Variants in SERPINI1 observed in about 807,000 individuals in gnomAD.
SERPINI1 encodes the protein serpin family I member 1, also known as neuroserpin.
In SERPINI1, 19 loss-of-function variants were observed where a neutral mutation model predicts 41.1. The observed-to-expected ratio is 0.46, with a 90% CI of 0.32 to 0.68. The LOEUF is 0.68. Ranked by LOEUF, SERPINI1 falls within the 30% of genes least tolerant of loss-of-function variation. The pLI, the probability that SERPINI1 is intolerant of heterozygous loss-of-function variation, is 0.03. For synonymous variants in SERPINI1, 138 were observed against 156.6 expected (o/e 0.88, Z 0.89); for missense variants, 460 against 479.2 (o/e 0.96, Z 0.37).
intron 1 of SERPINI1, among the ~76,000 whole-genome samples, chr3:167,739,261 C>G (rs1326615134): frequency 1.3e-5 from 2 of 152,018 alleles, no homozygotes; most frequent in Non-Finnish European, 1.5e-5. Context: ...ATGTCATATT[C>G]AGCATAAAGA....
chr3:167,788,433 A>G (rs1271610063), intron 1 of SERPINI1, among the ~76,000 whole-genome samples: 3 of 152,214 alleles, frequency 2.0e-5, no homozygotes, highest in Non-Finnish European at 4.4e-5. Flanking sequence ...ACTGTGTCGT[A>G]GCAAGAATTC....
At chr3:167,736,242 C>T (rs546535891) in intron 1 of SERPINI1, 1 of 152,252 alleles carries the variant, frequency 6.6e-6, no homozygotes, top group South Asian at 2.1e-4. Flanking sequence ...CTACCCTTTA[C>T]GTTGGTTTAT....
chr3:167,775,257 T>TATC (rs1726928641), intron 1 of SERPINI1, among the ~76,000 whole-genome samples: 3 of 146,846 alleles, frequency 2.0e-5, no homozygotes, highest in African/African-American at 7.4e-5. Context: ...TTATTATTAT[T>TATC]ATTATTATTA....
At chr3:167,819,836 A>G (rs1712248606) in intron 6 of SERPINI1, among the ~76,000 whole-genome samples, 1 of 152,222 alleles carries the variant, frequency 6.6e-6, no homozygotes, top group African/African-American at 2.4e-5. Flanking sequence ...CAACAAAGTT[A>G]TTTATCTGAA....
chr3:167,810,913 A>G (rs1016936816), intron 6 of SERPINI1, among the ~76,000 whole-genome samples: 1 of 151,152 alleles, frequency 6.6e-6, no homozygotes, highest in Non-Finnish European at 1.5e-5. Context: ...CTTCACCAGG[A>G]GTAGATCTCA....
intron 6 of SERPINI1, among the ~76,000 whole-genome samples, chr3:167,822,733 G>A (rs1263659225): frequency 6.6e-6 from 1 of 151,872 alleles, no homozygotes; most frequent in Non-Finnish European, 1.5e-5. Flanking sequence ...CACTTTTTCT[G>A]AAAATATAAG....
At chr3:167,793,594 A>ATTTTT (rs544906097) in intron 4 of SERPINI1, among the ~76,000 whole-genome samples, 3,856 of 106,370 alleles carry the variant, frequency 0.036, 139 homozygotes, top group African/African-American at 0.11. Context: ...ATATATATAT[A>ATTTTT]TATTTTTAAT....
At chr3:167,765,014 C>T (rs1434818430) in intron 1 of SERPINI1, among the ~76,000 whole-genome samples, 4 of 152,190 alleles carry the variant, frequency 2.6e-5, no homozygotes, top group Non-Finnish European at 5.9e-5. Flanking sequence ...TTGCAGGGTA[C>T]ACCCTCCCTC....
At chr3:167,815,256 A>G (rs1247458717) in intron 6 of SERPINI1, among the ~76,000 whole-genome samples, 1 of 152,188 alleles carries the variant, frequency 6.6e-6, no homozygotes. Context: ...CTGCAGACAC[A>G]TGCTTGCTTA....
chr3:167,790,416 G>A lies in SERPINI1; in HGVS notation c.295G>A (p.Ala99Thr), dbSNP rs1165041754. Residue 99 changes from alanine (A) to threonine (T), a missense_variant, in exon 3 of 9, where the codon GCT becomes ACT. By Grantham distance (58) the Ala-to-Thr change is moderately conservative. Coordinates refer to ENST00000446050, the MANE Select transcript of SERPINI1 (RefSeq NM_001122752.2). ...FLKEFSNMVT[A>T]KESQYVMKIA... ...GAAGGAGTTTTCAAACATGGTAACT[G>A]CTAAAGAGAGCCAATATGTGATGAA... 1 of 1,613,928 alleles carries A rather than the reference G, an allele frequency of 6.2e-7. No homozygotes were observed. Among genetic ancestry groups the A allele is most frequent in the Non-Finnish European group, 8.5e-7 (1 of 1,179,836 alleles).
chr3:167,819,306 G>A (rs181093113), intron 6 of SERPINI1, among the ~76,000 whole-genome samples: 26 of 152,122 alleles, frequency 1.7e-4, no homozygotes, highest in African/African-American at 5.1e-4. Context: ...GAGCCACTGC[G>A]CCCAGCTACT....
intron 1 of SERPINI1, among the ~76,000 whole-genome samples, chr3:167,776,431 C>T (rs542525351): frequency 7.9e-5 from 12 of 152,308 alleles, no homozygotes; most frequent in African/African-American, 2.9e-4. Context: ...TTGCTTTCCC[C>T]AGGCTTTTAA....
chr3:167,770,712 A>C (rs1726720801), intron 1 of SERPINI1, among the ~76,000 whole-genome samples: 4 of 152,172 alleles, frequency 2.6e-5, no homozygotes, highest in Admixed American at 2.0e-4. Context: ...CAATTGTCTC[A>C]ATTACTATAA....
At chr3:167,806,091 G>C (rs1176711732) in intron 5 of SERPINI1, among the ~76,000 whole-genome samples, 3 of 152,122 alleles carry the variant, frequency 2.0e-5, no homozygotes, top group Non-Finnish European at 2.9e-5. Flanking sequence ...ATCAATGATA[G>C]ACTGGATAAA....
intron 1 of SERPINI1, among the ~76,000 whole-genome samples, chr3:167,773,460 C>T (rs570540620): frequency 6.6e-6 from 1 of 152,264 alleles, no homozygotes; most frequent in African/African-American, 2.4e-5. Flanking sequence ...TGGCTGATTT[C>T]CTTGACACAT....
chr3:167,775,910 C>T (rs1277431538), intron 1 of SERPINI1, among the ~76,000 whole-genome samples: 2 of 152,020 alleles, frequency 1.3e-5, no homozygotes, highest in African/African-American at 4.8e-5. Context: ...TAAAAATACT[C>T]TTTTCTCCAC....
chr3:167,783,884 T>A (rs530371966), intron 1 of SERPINI1, among the ~76,000 whole-genome samples: 1 of 152,316 alleles, frequency 6.6e-6, no homozygotes, highest in Admixed American at 6.5e-5. Flanking sequence ...AGAGCAGAGT[T>A]CTTTCAGCTC....
At chr3:167,768,505 A>G (rs1270399668) in intron 1 of SERPINI1, among the ~76,000 whole-genome samples, 3 of 152,316 alleles carry the variant, frequency 2.0e-5, no homozygotes, top group African/African-American at 2.4e-5. Flanking sequence ...TCAAAACTGA[A>G]GAAGACTGAA....
At chr3:167,807,018 T>C (rs1055494232) in intron 5 of SERPINI1, among the ~76,000 whole-genome samples, 1 of 152,198 alleles carries the variant, frequency 6.6e-6, no homozygotes, top group Non-Finnish European at 1.5e-5. Flanking sequence ...GTCTATATCA[T>C]ATATTTTCCT....
Sources: allele counts gnomAD v4.1 joint callset (sites outside exome capture counted in the v4.1 genomes callset), GRCh38; gene constraint gnomAD v4.1.1; transcripts MANE v1.5; gene names NCBI Gene and HGNC (gene_info 2026-07-23, HGNC 2026-07-21).